Variants in ANKRD40CL observed in about 807,000 individuals in gnomAD.
The protein encoded by ANKRD40CL is putative ANKRD40 C-terminal-like protein.
For missense variants in ANKRD40CL, 11 were observed against 6.4 expected (o/e 1.71, Z -0.77); for synonymous variants, 5 against 2.3 (o/e 2.14, Z -1.04).
intron 2 of ANKRD40CL, chr17:50,764,533 C>T (rs562196462): frequency 3.6e-6 from 1 of 277,922 alleles, no homozygotes; most frequent in South Asian, 1.7e-4. Flanking sequence ...CAAGTTTTTA[C>T]TTAAATATTT....
In ANKRD40CL at chr17:50,766,978, T is replaced by C. The variant is rs1047789353; in HGVS notation, c.-65A>G. ...ATTTATGCACAAGCTCCCAACCAAA[T>C]AAAAAGCACTTTCTACAGCCTCAGC... is the stretch of plus-strand genomic sequence containing the variant. On this transcript the variant is annotated 5_prime_UTR_variant, in exon 2 of 4. Coordinates refer to ENST00000450727, the MANE Select transcript of ANKRD40CL (RefSeq NM_001358683.3). 1 of 702,312 alleles carries C rather than the reference T, an allele frequency of 1.4e-6. No homozygotes were observed. The highest frequency in any genetic ancestry group is 1.5e-5 in the South Asian group (1 of 67,594). 43.5% of individuals were successfully genotyped at this position (702,312 alleles called of 1,614,324 possible).
chr17:50,766,770 C>G, intron 2 of ANKRD40CL, 104 bp downstream of exon 2: 1 of 594,632 alleles, frequency 1.7e-6, no homozygotes, highest in Non-Finnish European at 3.0e-6. Context: ...TGGCGGAGGC[C>G]ACAGGGCACT....
chr17:50,763,127 C>T (rs149024498), intron 3 of ANKRD40CL: 7,376 of 296,308 alleles, frequency 0.025, 532 homozygotes, highest in East Asian at 0.22. Context: ...GATCTCTTGA[C>T]CTTGTGATCT....
intron 1 of ANKRD40CL, 108 bp from the exon 2 acceptor site, chr17:50,767,119 C>T (rs987503618): frequency 8.8e-6 from 6 of 678,388 alleles, no homozygotes; most frequent in Non-Finnish European, 1.6e-5. Context: ...ATGATTTGCA[C>T]AGGGTGAGGC....
rs1971217521 is a variant in ANKRD40CL, at chr17:50,762,519, T to A, written c.201+878A>T. Among the ~76,000 whole-genome samples the A allele has an allele frequency of 3.3e-5, 5 of 152,202 alleles. No homozygotes were observed. The South Asian group carries it at 8.3e-4, about 25-fold the overall frequency. On this transcript the variant is annotated intron_variant, in intron 3 of 3. Transcript: ENST00000450727. ...TGAGCTGAGGATTTCGAGGCTGCAG[T>A]GAGCTATGATCACGCCATTGCATTC...
intron 2 of ANKRD40CL, among the ~76,000 whole-genome samples, chr17:50,765,867 G>T (rs1433917088): frequency 6.6e-6 from 1 of 152,160 alleles, no homozygotes; most frequent in African/African-American, 2.4e-5. Flanking sequence ...ATATGTATGA[G>T]CTGAGGCTCC....
chr17:50,766,705 T>C (rs1476929814), intron 2 of ANKRD40CL, 169 bp downstream of exon 2: 2 of 542,266 alleles, frequency 3.7e-6, no homozygotes, highest in Admixed American at 3.2e-5. Context: ...ACTTGCTTCC[T>C]TCTGAAAGGA....
intron 2 of ANKRD40CL, chr17:50,766,642 T>G: frequency 2.1e-6 from 1 of 468,920 alleles, no homozygotes; most frequent in Non-Finnish European, 3.7e-6. Context: ...TTCCTAGCAG[T>G]TGTGAGCACC....
chr17:50,762,435 G>A (rs1971216426), intron 3 of ANKRD40CL, among the ~76,000 whole-genome samples: 1 of 152,148 alleles, frequency 6.6e-6, no homozygotes. Flanking sequence ...AATTAATGGA[G>A]TGTGGTGGTG....
At chr17:50,766,625 G>A (rs1971322039) in intron 2 of ANKRD40CL, 3 of 448,900 alleles carry the variant, frequency 6.7e-6, no homozygotes, top group Admixed American at 7.6e-5. Context: ...TACACAGAAG[G>A]TACAACTTCC....
intron 2 of ANKRD40CL, chr17:50,763,981 T>C: frequency 2.5e-6 from 1 of 394,674 alleles, no homozygotes; most frequent in Non-Finnish European, 4.5e-6. Context: ...CAAATCGCTC[T>C]TGAGATTCCT....
At chr17:50,764,265 A>G in intron 2 of ANKRD40CL, 1 of 398,622 alleles carries the variant, frequency 2.5e-6, no homozygotes, top group Non-Finnish European at 4.4e-6. Context: ...ATCAGGAAAG[A>G]GTTGAGAAGG....
intron 2 of ANKRD40CL, 183 bp downstream of exon 2, chr17:50,766,691 A>G: frequency 1.9e-6 from 1 of 529,346 alleles, no homozygotes; most frequent in East Asian, 2.9e-5. Context: ...TTATAGCTAT[A>G]GACACTTGCT....
rs963067328 is a variant in ANKRD40CL, at chr17:50,761,103, A to G, written c.*260T>C. The stretch of plus-strand genomic sequence containing the variant: ...TCGCCAGGCTGGAGTGCAGTGGCGC[A>G]ATCTCAGCTCACTGCAACCTCTGCC... On this transcript the variant is annotated 3_prime_UTR_variant, in exon 4 of 4. Transcript: ENST00000450727. 12 of 196,564 alleles carry G rather than the reference A, an allele frequency of 6.1e-5. No homozygotes were observed. In the Admixed American group the frequency reaches 7.0e-4, roughly 11 times the overall value. 12.2% of individuals were successfully genotyped at this position (196,564 alleles called of 1,614,324 possible). A position where few individuals can be genotyped will look rare whatever the true frequency, so the allele number is the denominator to read the frequency against.
In ANKRD40CL at chr17:50,761,596, T is replaced by C. The variant is rs1971202415; in HGVS notation, c.202-90A>G. On this transcript the variant is annotated intron_variant, in intron 3 of 3. Coordinates refer to ENST00000450727, the MANE Select transcript of ANKRD40CL (RefSeq NM_001358683.3). ...TAATATTGTTCAGCATCTTGGGTTCTGAACCCATAAGGTATTGTTTTTTTT... is the reference window on the plus strand; with the variant it reads ...TAATATTGTTCAGCATCTTGGGTTCCGAACCCATAAGGTATTGTTTTTTTT... 7.8e-6 allele frequency: 3 copies of C among 385,932 alleles called. No homozygotes were observed. In the East Asian group the frequency reaches 1.1e-4, roughly 14 times the overall value. The allele number at this position is 385,932 out of a possible 1,614,324, so 23.9% of individuals were successfully genotyped here.
In ANKRD40CL at chr17:50,761,466, T is replaced by C. The variant is rs1971199998; in HGVS notation, c.242A>G (p.Glu81Gly). 1.8e-5 allele frequency: 7 copies of C among 398,912 alleles called. No homozygotes were observed. In the Admixed American group the frequency reaches 2.6e-4, roughly 15 times the overall value. 24.7% of individuals were successfully genotyped at this position (398,912 alleles called of 1,614,324 possible). A position where few individuals can be genotyped will look rare whatever the true frequency, so the allele number is the denominator to read the frequency against. Residue 81 changes from glutamate to glycine, a missense_variant, in exon 4 of 4, where the codon GAA (glutamate) becomes GGA (glycine). Transcript: ENST00000450727. ...GCTTCCATTTTTCATTAAAATGAGT[T>C]CCACTTCCTGAAAGTCCCGCAGTCT... ...IRRLRDFQEVELILMKNGSSR... is the reference protein window; with the variant it reads ...IRRLRDFQEVGLILMKNGSSR...
chr17:50,765,571 A>G (rs976031692), intron 2 of ANKRD40CL, among the ~76,000 whole-genome samples: 4 of 152,344 alleles, frequency 2.6e-5, no homozygotes, highest in Admixed American at 2.6e-4. Flanking sequence ...ACCAGGGCCA[A>G]CTACATAATT....
chr17:50,763,129 T>A (rs1971232347), intron 3 of ANKRD40CL: 2 of 300,326 alleles, frequency 6.7e-6, no homozygotes, highest in Non-Finnish European at 1.2e-5. Flanking sequence ...TCTCTTGACC[T>A]TGTGATCTGC....
intron 2 of ANKRD40CL, chr17:50,764,323 C>T (rs557437844): frequency 1.8e-5 from 7 of 398,354 alleles, no homozygotes; most frequent in African/African-American, 1.0e-4. Context: ...GACAAGGATG[C>T]CCCACTTCCA....
Sources: allele counts gnomAD v4.1 joint callset (sites outside exome capture counted in the v4.1 genomes callset), GRCh38; gene constraint gnomAD v4.1.1; transcripts MANE v1.5; gene names NCBI Gene and HGNC (gene_info 2026-07-23, HGNC 2026-07-21).